The following WDR74 variants were observed in gnomAD, a reference collection of about 807,000 sequenced individuals.
The protein encoded by WDR74 is WD repeat-containing protein 74.
WDR74 carries 31 observed loss-of-function variants against 45.6 expected under a neutral mutation model. That is an observed-to-expected ratio of 0.68 (90% confidence interval 0.51 to 0.92). WDR74 has a LOEUF of 0.92. Ranked by LOEUF, WDR74 falls within the 40% of genes least tolerant of loss-of-function variation. WDR74 has a pLI of 0.00. For synonymous variants in WDR74, 191 were observed against 192.4 expected, an observed-to-expected ratio of 0.99 and a Z score of 0.06; for missense variants, 455 against 497.2, an observed-to-expected ratio of 0.92 and a Z score of 0.81.
upstream of WDR74, among the ~76,000 whole-genome samples, chr11:62,840,670 C>T (rs2085032579): frequency 6.6e-6 from 1 of 152,020 alleles, no homozygotes; most frequent in Non-Finnish European, 1.5e-5. Context: ...TTATCTAACG[C>T]GAAGATTTAT....
At chr11:62,839,076 C>G in intron 3 of WDR74, 38 bp downstream of exon 3, 1 of 1,610,668 alleles carries the variant, frequency 6.2e-7, no homozygotes, top group South Asian at 1.1e-5. Context: ...TCAACGCTCT[C>G]CCTTCGGCCC....
At chr11:62,838,902 C>T (rs1003864690) in intron 3 of WDR74, among the ~76,000 whole-genome samples, 2 of 152,170 alleles carry the variant, frequency 1.3e-5, no homozygotes, top group Non-Finnish European at 2.9e-5. Context: ...ATTTTACCGG[C>T]AGCCCCTGTA....
At position 62,832,933 on chromosome 11, in the gene WDR74, CA is replaced by C; in HGVS notation, c.*18del. 1 of 1,581,324 alleles carries C rather than the reference CA, an allele frequency of 6.3e-7. No homozygotes were observed. Among genetic ancestry groups the C allele is most frequent in the Non-Finnish European group, 8.6e-7 (1 of 1,166,062 alleles). On this transcript the variant is annotated 3_prime_UTR_variant, in exon 11 of 11. Transcript: ENST00000278856. ...TGGTGGGTGTTCAGCAGTTTATTTACAAAGTGGGCACAGGGGCGTCAGGGGC... is the reference window on the plus strand; with the variant it reads ...TGGTGGGTGTTCAGCAGTTTATTTACAAGTGGGCACAGGGGCGTCAGGGGC...
upstream of WDR74, chr11:62,839,761 T>C: frequency 1.4e-6 from 1 of 711,492 alleles, no homozygotes; most frequent in Non-Finnish European, 2.3e-6. Flanking sequence ...AAGAATACAT[T>C]GATCATTTTG....
rs756147059 is a variant in WDR74, at chr11:62,839,188, C to G, written c.219G>C (p.Glu73Asp). 1.4e-5 allele frequency: 23 copies of G among 1,613,674 alleles called. No homozygotes were observed. The Admixed American group carries it at 3.8e-4, about 27-fold the overall frequency. Residue 73 changes from glutamate to aspartate, a missense_variant, in exon 3 of 11, where the codon GAG becomes GAC. Glu to Asp is a conservative substitution (Grantham distance 45). Coordinates refer to ENST00000278856, the MANE Select transcript of WDR74 (RefSeq NM_001369450.1). ...ADRTVKHFSTEDGIFQGQRHC... is the reference protein window; with the variant it reads ...ADRTVKHFSTDDGIFQGQRHC... ...GTCTCTGACCCTGGAATATGCCATC[C>G]TCGGTGCTGAAGTGCTTCACCGTCC...
At chr11:62,840,923 G>A (rs532006000), upstream of WDR74, among the ~76,000 whole-genome samples, 10 of 152,306 alleles carry the variant, frequency 6.6e-5, no homozygotes, top group East Asian at 1.9e-3. Context: ...GGTGGCTCAC[G>A]CCTGTAATCC....
upstream of WDR74, chr11:62,841,689 T>C (rs554345122): frequency 4.0e-4 from 61 of 152,170 alleles, no homozygotes; most frequent in South Asian, 1.2e-3. Context: ...CAAGCTCCTA[T>C]TCCATCTCCT....
intron 3 of WDR74, among the ~76,000 whole-genome samples, 177 bp downstream of exon 3, chr11:62,838,937 T>C (rs2085001486): frequency 6.6e-6 from 1 of 152,144 alleles, no homozygotes; most frequent in Admixed American, 6.5e-5. Flanking sequence ...TGGAATTCAG[T>C]AGGTGTTCAA....
chr11:62,833,593 C>G, intron 10 of WDR74, 25 bp downstream of exon 10: 1 of 1,551,534 alleles, frequency 6.4e-7, no homozygotes, highest in Non-Finnish European at 8.7e-7. Context: ...CCTTGGCTCC[C>G]ACATTCCCGG....
At chr11:62,839,840 G>A, upstream of WDR74, 1 of 523,268 alleles carries the variant, frequency 1.9e-6, no homozygotes, top group Non-Finnish European at 3.4e-6. Flanking sequence ...TCTGTCTCCC[G>A]GCTCCATTAT....
intron 3 of WDR74, among the ~76,000 whole-genome samples, chr11:62,838,127 G>A (rs1490416962): frequency 6.6e-6 from 1 of 152,082 alleles, no homozygotes; most frequent in Non-Finnish European, 1.5e-5. Flanking sequence ...AATTAATAAT[G>A]AATTAATGAA....
In WDR74 at chr11:62,835,680, A is replaced by G. The variant is rs1438797865; in HGVS notation, c.516+15T>C. 4.3e-6 allele frequency: 7 copies of G among 1,613,000 alleles called. No individual in the cohort carries two copies. In the African/African-American group the frequency reaches 5.4e-5, roughly 12 times the overall value. ...TCGACTTCAGGAACAGCTCCTTCAC[A>G]CTCTTGTCACTCACGTTCTTGGCCC... On this transcript the variant is annotated intron_variant, in intron 5 of 10. Coordinates refer to ENST00000278856, the MANE Select transcript of WDR74 (RefSeq NM_001369450.1).
intron 3 of WDR74, among the ~76,000 whole-genome samples, chr11:62,838,333 T>G (rs2084989254): frequency 6.6e-6 from 1 of 151,498 alleles, no homozygotes; most frequent in African/African-American, 2.4e-5. Flanking sequence ...TTGTATTTTT[T>G]TAGTAGAGAA....
upstream of WDR74, chr11:62,841,528 A>C (rs987331284): frequency 6.6e-6 from 1 of 151,822 alleles, no homozygotes; most frequent in Non-Finnish European, 1.5e-5. Flanking sequence ...AAAACACCTA[A>C]TCCAACTCAA....
At chr11:62,834,901 G>A in intron 6 of WDR74, 1 of 265,356 alleles carries the variant, frequency 3.8e-6, no homozygotes, top group Non-Finnish European at 7.2e-6. Context: ...TATGTGTTTT[G>A]AGCAGAGGCA....
upstream of WDR74, chr11:62,840,073 C>T (rs1454650130): frequency 6.5e-6 from 1 of 153,698 alleles, no homozygotes; most frequent in African/African-American, 2.4e-5. Flanking sequence ...GCGATCTCCT[C>T]TCACCTCAAC....
intron 5 of WDR74, 42 bp from the exon 6 acceptor site, chr11:62,835,574 C>T (rs770503116): frequency 6.2e-7 from 1 of 1,612,900 alleles, no homozygotes; most frequent in Non-Finnish European, 8.5e-7. Context: ...ATGGGGGGCT[C>T]GATGTGCCCC....
chr11:62,837,759 T>A (rs1055687935), intron 3 of WDR74, among the ~76,000 whole-genome samples: 1 of 152,156 alleles, frequency 6.6e-6, no homozygotes, highest in Non-Finnish European at 1.5e-5. Context: ...ACCAAACCTA[T>A]GCAGCCTGCT....
At chr11:62,841,418 T>C (rs1195826959), upstream of WDR74, among the ~76,000 whole-genome samples, 1 of 151,760 alleles carries the variant, frequency 6.6e-6, no homozygotes, top group African/African-American at 2.4e-5. Flanking sequence ...TGAAGATTGC[T>C]GAAGACCACA....
Sources: gnomAD v4.1 joint callset for allele counts (sites outside exome capture counted in the v4.1 genomes callset) on GRCh38, gnomAD v4.1.1 for gene constraint, MANE v1.5 for transcripts, NCBI Gene and HGNC (gene_info 2026-07-23, HGNC 2026-07-21) for gene names.